Variants in ASIP observed in about 807,000 individuals in gnomAD.
ASIP encodes the protein agouti signaling protein.
In ASIP, 11 loss-of-function variants were observed where a neutral mutation model predicts 10.3. The observed-to-expected ratio is 1.07, with a 90% CI of 0.68 to 1.78. ASIP has a LOEUF of 1.78. ASIP is among the 40% of genes most tolerant of loss of function. The pLI is 0.00. For synonymous variants in ASIP, 70 were observed against 70.8 expected (o/e 0.99, Z 0.06); for missense variants, 180 against 169.2 (o/e 1.06, Z -0.35).
chr20:34,260,979 C>G (rs2035679781), intron 2 of ASIP, among the ~76,000 whole-genome samples: 1 of 152,176 alleles, frequency 6.6e-6, no homozygotes, highest in African/African-American at 2.4e-5. Context: ...GGTTTGACTT[C>G]ACCTGATAAT....
chr20:34,213,592 GAT>G, intron 1 of ASIP: 1 of 1,558,780 alleles, frequency 6.4e-7, no homozygotes, highest in South Asian at 1.2e-5. Flanking sequence ...TAAAAACGGG[GAT>G]ACTTGTACCT....
At chr20:34,237,935 G>GT (rs923166103), upstream of ASIP, among the ~76,000 whole-genome samples, 2 of 152,102 alleles carry the variant, frequency 1.3e-5, no homozygotes, top group African/African-American at 2.4e-5. Flanking sequence ...TTGGTTGACA[G>GT]TTTTTTTCTT....
intron 1 of ASIP, among the ~76,000 whole-genome samples, chr20:34,245,377 A>C (rs979641839): frequency 1.3e-5 from 2 of 150,138 alleles, no homozygotes; most frequent in African/African-American, 4.9e-5. Context: ...GAAAGTCAGT[A>C]CCAAATGACC....
At chr20:34,257,534 T>A (rs2035594572) in intron 1 of ASIP, among the ~76,000 whole-genome samples, 1 of 152,118 alleles carries the variant, frequency 6.6e-6, no homozygotes, top group Non-Finnish European at 1.5e-5. Flanking sequence ...AGAATAAAAA[T>A]TTTAAATATA....
chr20:34,203,710 A>G (rs932721618), intron 1 of ASIP, among the ~76,000 whole-genome samples: 2 of 151,858 alleles, frequency 1.3e-5, no homozygotes, highest in South Asian at 2.1e-4. Flanking sequence ...TAAGTGGCGT[A>G]TTTTAATTTT....
At position 34,213,702 on chromosome 20, in the gene ASIP, C is replaced by G. The variant is rs145381953; in HGVS notation, c.-11+18942C>G. On this transcript the variant is annotated intron_variant, in intron 1 of 3. Transcript: ENST00000568305. ...TATGTTCTGAAGCAGATGGGATGAA[C>G]GGAAAAACTTCTTCCTCCAGGCAAA... 45 of 1,526,850 alleles carry G rather than the reference C, an allele frequency of 2.9e-5. 1 individual carries two copies. In the African/African-American group the frequency reaches 5.9e-4, roughly 20 times the overall value. 94.6% of individuals were successfully genotyped at this position (1,526,850 alleles called of 1,614,324 possible).
intron 1 of ASIP, among the ~76,000 whole-genome samples, chr20:34,256,255 C>T (rs937210958): frequency 2.0e-5 from 3 of 152,210 alleles, no homozygotes; most frequent in Admixed American, 6.5e-5. Context: ...CCTTACCCTG[C>T]CCCCTTGTCT....
intron 3 of ASIP, among the ~76,000 whole-genome samples, chr20:34,265,146 T>G (rs2035762622): frequency 6.6e-6 from 1 of 152,134 alleles, no homozygotes; most frequent in African/African-American, 2.4e-5. Context: ...CATAAAAAGA[T>G]GTTAATCCAC....
intron 1 of ASIP, among the ~76,000 whole-genome samples, chr20:34,252,648 C>G (rs896317169): frequency 6.6e-6 from 1 of 152,124 alleles, no homozygotes; most frequent in Admixed American, 6.5e-5. Flanking sequence ...ATCTCAACTG[C>G]AAAGAGGCCT....
chr20:34,186,896 C>T, the ASIP span, among the ~76,000 whole-genome samples: 1 of 152,090 alleles, frequency 6.6e-6, no homozygotes, highest in East Asian at 1.9e-4. Flanking sequence ...TCACTGCAAC[C>T]TTCACCTCCT....
intron 1 of ASIP, among the ~76,000 whole-genome samples, chr20:34,206,237 T>C (rs998393064): frequency 6.6e-6 from 1 of 152,220 alleles, no homozygotes; most frequent in African/African-American, 2.4e-5. Flanking sequence ...CCTCAAGTGA[T>C]CTGCCTGCCT....
chr20:34,216,035 G>A, intron 1 of ASIP: 1 of 638,252 alleles, frequency 1.6e-6, no homozygotes, highest in Non-Finnish European at 2.9e-6. Context: ...GAGCCGAGCG[G>A]CGCAGCTCGC....
chr20:34,252,223 A>G (rs1383392830), intron 1 of ASIP, among the ~76,000 whole-genome samples: 1 of 152,230 alleles, frequency 6.6e-6, no homozygotes, highest in Non-Finnish European at 1.5e-5. Flanking sequence ...CAGTGGGCCC[A>G]GGAGACCGGT....
chr20:34,255,029 CT>C (rs927588911), intron 1 of ASIP, among the ~76,000 whole-genome samples: 15 of 152,258 alleles, frequency 9.9e-5, no homozygotes, highest in Non-Finnish European at 1.5e-4. Context: ...GGGATTTGAC[CT>C]GGTGAGATCT....
chr20:34,222,565 G>A (rs2035054978), intron 1 of ASIP, among the ~76,000 whole-genome samples: 1 of 152,164 alleles, frequency 6.6e-6, no homozygotes, highest in Admixed American at 6.5e-5. Context: ...CTGCTTTGCA[G>A]ATCTGAAGTG....
chr20:34,233,169 A>G (rs1368858913), intron 1 of ASIP, among the ~76,000 whole-genome samples: 1 of 110,028 alleles, frequency 9.1e-6, no homozygotes, highest in South Asian at 2.6e-4. Context: ...TTTTTTTGAT[A>G]CAGAGTCTCG....
intron 1 of ASIP, among the ~76,000 whole-genome samples, chr20:34,198,597 C>T (rs929386521): frequency 1.3e-5 from 2 of 152,060 alleles, no homozygotes; most frequent in Admixed American, 1.3e-4. Context: ...AGTGATCCTC[C>T]CCCTCAGGTT....
intron 3 of ASIP, among the ~76,000 whole-genome samples, chr20:34,268,758 C>CA (rs140598557): frequency 0.13 from 19,427 of 149,948 alleles, 1,338 homozygotes; most frequent in East Asian, 0.21. Flanking sequence ...AACAAACAAA[C>CA]AAAAAAAACA....
chr20:34,192,156 C>A (rs2034828054), upstream of ASIP, among the ~76,000 whole-genome samples: 1 of 152,220 alleles, frequency 6.6e-6, no homozygotes, highest in Non-Finnish European at 1.5e-5. Flanking sequence ...TCTGCCTCAG[C>A]CTCCCAAGTT....
Sources: gnomAD v4.1 joint callset for allele counts (sites outside exome capture counted in the v4.1 genomes callset) on GRCh38, gnomAD v4.1.1 for gene constraint, MANE v1.5 for transcripts, NCBI Gene and HGNC (gene_info 2026-07-23, HGNC 2026-07-21) for gene names.